Variants in BRINP2 observed in about 807,000 individuals in gnomAD.
BRINP2 encodes the protein BMP/retinoic acid inducible neural specific 2, also known as BMP/retinoic acid-inducible neural-specific protein 2.
In BRINP2, 21 loss-of-function variants were observed where a neutral mutation model predicts 69.2. The observed-to-expected ratio is 0.30, with a 90% confidence interval of 0.22 to 0.44. The LOEUF is 0.44. BRINP2 is among the 20% of genes least tolerant of loss of function. The probability of loss-of-function intolerance (pLI) is 1.00; values close to 1 mark genes in which losing one functional copy is unlikely to be tolerated. For synonymous variants in BRINP2, 380 were observed against 394.1 expected (o/e 0.96, Z 0.42); for missense variants, 877 against 986.0 (o/e 0.89, Z 1.48).
At chr1:177,214,914 T>C (rs1489583781) in intron 1 of BRINP2, among the ~76,000 whole-genome samples, 1 of 152,242 alleles carries the variant, frequency 6.6e-6, no homozygotes, top group Non-Finnish European at 1.5e-5. Flanking sequence ...GTGATCAGAA[T>C]ACTTGAGATT....
At chr1:177,198,257 A>G (rs1648804352) in intron 1 of BRINP2, among the ~76,000 whole-genome samples, 1 of 152,202 alleles carries the variant, frequency 6.6e-6, no homozygotes, top group Non-Finnish European at 1.5e-5. Context: ...ATGGATGGAG[A>G]AAGTTGCATG....
At chr1:177,257,104 G>T in intron 3 of BRINP2, 72 bp from the exon 4 acceptor site, 1 of 1,600,282 alleles carries the variant, frequency 6.2e-7, no homozygotes, top group Non-Finnish European at 8.5e-7. Context: ...TTGGCCAAGG[G>T]TTTTATGTTC....
chr1:177,247,113 A>C (rs1223613427), intron 2 of BRINP2, among the ~76,000 whole-genome samples: 5 of 152,202 alleles, frequency 3.3e-5, no homozygotes, highest in Non-Finnish European at 7.3e-5. Context: ...AAAAAGACAA[A>C]ATGGTGATGT....
At chr1:177,224,951 A>G (rs1218860445) in intron 1 of BRINP2, among the ~76,000 whole-genome samples, 2 of 152,240 alleles carry the variant, frequency 1.3e-5, no homozygotes, top group Non-Finnish European at 2.9e-5. Flanking sequence ...CCTCCTTGGC[A>G]ATAATTTTCA....
At chr1:177,186,066 A>G (rs1648416414) in intron 1 of BRINP2, among the ~76,000 whole-genome samples, 1 of 152,238 alleles carries the variant, frequency 6.6e-6, no homozygotes. Flanking sequence ...AGGATGATTC[A>G]TGGATAGCAA....
chr1:177,217,818 G>T (rs1649421568), intron 1 of BRINP2, among the ~76,000 whole-genome samples: 1 of 152,212 alleles, frequency 6.6e-6, no homozygotes. Flanking sequence ...TGTTTGGCAA[G>T]ATCACTGGCT....
rs113735554 is a variant in BRINP2, at chr1:177,236,747, T to A, written c.269+6602T>A. On this transcript the variant is annotated intron_variant, in intron 2 of 7. Transcript: ENST00000361539. ...AGATACAGGAGCAGTGTAACCAAAG[T>A]CATGGGAGCACTAGATGTGGTTTAG... Among the ~76,000 whole-genome samples the A allele has an allele frequency of 2.2e-3, 333 of 151,532 alleles. 2 individuals carry two copies. Among genetic ancestry groups the A allele is most frequent in the African/African-American group, 7.5e-3 (309 of 41,256 alleles).
chr1:177,236,147 C>T (rs754852542), intron 2 of BRINP2, among the ~76,000 whole-genome samples: 5 of 152,072 alleles, frequency 3.3e-5, no homozygotes, highest in African/African-American at 4.8e-5. Flanking sequence ...GTTGCTTTAG[C>T]GAAGAGACCA....
At chr1:177,199,531 A>G (rs946533071) in intron 1 of BRINP2, among the ~76,000 whole-genome samples, 2 of 152,182 alleles carry the variant, frequency 1.3e-5, no homozygotes, top group African/African-American at 4.8e-5. Flanking sequence ...ACAGCATCTG[A>G]TCTAGATTTC....
Position 177,281,090 on chromosome 1 carries a change from C to T in BRINP2, c.1914C>T (p.Phe638=). 1 of 1,614,240 alleles carries T rather than the reference C, an allele frequency of 6.2e-7. No homozygotes were observed. The highest frequency in any genetic ancestry group is 8.5e-7 in the Non-Finnish European group (1 of 1,180,044). The stretch of plus-strand genomic sequence containing the variant: ...CCTTGGGGAATAGGTGGAAGACTTT[C>T]TTTGAGACAGTTCATGTTTACCTAC... ...TITLGNRWKT[F]FETVHVYLRS... The change falls in exon 8 of 8, where the codon TTC becomes TTT. Residue 638 remains phenylalanine, a synonymous_variant. Transcript: ENST00000361539.
rs554326504 is a variant in BRINP2 at position 177,185,137 on chromosome 1, T to C, written c.-77+13405T>C. Among the ~76,000 whole-genome samples the C allele has an allele frequency of 2.0e-5, 3 of 151,664 alleles. No individual in the cohort carries two copies. The East Asian group carries it at 5.8e-4, about 29-fold the overall frequency. On this transcript the variant is annotated intron_variant, in intron 1 of 7. Transcript: ENST00000361539. ...TCGCCTAAGTGGTTAATGGTTGTCA[T>C]GTTGGAAAAAAAAAAAGGTTCTGCG...
intron 4 of BRINP2, among the ~76,000 whole-genome samples, chr1:177,265,971 T>A (rs1651104054): frequency 6.6e-6 from 1 of 151,632 alleles, no homozygotes; most frequent in East Asian, 1.9e-4. Flanking sequence ...ATACAAAAAA[T>A]TAGCTGGGCG....
intron 4 of BRINP2, among the ~76,000 whole-genome samples, chr1:177,263,684 A>G (rs1272420438): frequency 2.0e-5 from 3 of 152,172 alleles, no homozygotes; most frequent in African/African-American, 7.2e-5. Flanking sequence ...AGAAGAGGTG[A>G]GATTAGGGGA....
chr1:177,204,575 T>C (rs1199490965), intron 1 of BRINP2, among the ~76,000 whole-genome samples: 1 of 152,180 alleles, frequency 6.6e-6, no homozygotes, highest in Non-Finnish European at 1.5e-5. Flanking sequence ...CTTATGCAAG[T>C]GGGCTGGTAA....
intron 1 of BRINP2, among the ~76,000 whole-genome samples, chr1:177,205,899 C>T (rs1649058775): frequency 6.6e-6 from 1 of 152,166 alleles, no homozygotes; most frequent in Admixed American, 6.5e-5. Flanking sequence ...CTTGCATAGG[C>T]CCCTCCCATA....
chr1:177,253,849 T>C (rs909403860), intron 2 of BRINP2, among the ~76,000 whole-genome samples: 1 of 152,136 alleles, frequency 6.6e-6, no homozygotes, highest in African/African-American at 2.4e-5. Context: ...TTTTAATTAT[T>C]TTATTTTTAT....
intron 2 of BRINP2, among the ~76,000 whole-genome samples, chr1:177,235,542 G>A (rs556698654): frequency 1.5e-4 from 23 of 152,308 alleles, no homozygotes; most frequent in African/African-American, 4.8e-4. Flanking sequence ...CCTCCCGGGA[G>A]ATGGGGAAGT....
intron 7 of BRINP2, among the ~76,000 whole-genome samples, chr1:177,280,133 T>G (rs986966864): frequency 6.6e-6 from 1 of 152,172 alleles, no homozygotes; most frequent in Non-Finnish European, 1.5e-5. Context: ...GGTTTTTGAA[T>G]AAGGGAATGA....
At chr1:177,187,175 C>T (rs1340891354) in intron 1 of BRINP2, among the ~76,000 whole-genome samples, 1 of 152,136 alleles carries the variant, frequency 6.6e-6, no homozygotes, top group Non-Finnish European at 1.5e-5. Context: ...TCCCCTTCTA[C>T]CCCAAATTTT....
Sources: gnomAD v4.1 joint callset for allele counts (sites outside exome capture counted in the v4.1 genomes callset) on GRCh38, gnomAD v4.1.1 for gene constraint, MANE v1.5 for transcripts, NCBI Gene and HGNC (gene_info 2026-07-23, HGNC 2026-07-21) for gene names.